CACHD1: variants seen among roughly 807,000 people sequenced by gnomAD.
CACHD1 encodes the protein VWFA and cache domain-containing protein 1.
Under a neutral mutation model 138.7 loss-of-function variants are expected in CACHD1, and 71 were observed. The observed-to-expected ratio is 0.51, with a 90% CI of 0.42 to 0.62. The LOEUF is 0.62. Ranked by LOEUF, CACHD1 falls within the 20% of genes least tolerant of loss-of-function variation. The probability of loss-of-function intolerance (pLI) is 0.00; values close to 1 mark genes in which losing one functional copy is unlikely to be tolerated. For synonymous variants in CACHD1, 578 were observed against 591.5 expected (o/e 0.98, Z 0.33); for missense variants, 1,389 against 1,625.3 (o/e 0.85, Z 2.50).
chr1:64,541,359 G>C (rs914730902), intron 1 of CACHD1, among the ~76,000 whole-genome samples: 1 of 147,260 alleles, frequency 6.8e-6, no homozygotes, highest in Non-Finnish European at 1.5e-5. Flanking sequence ...AAACAATATT[G>C]GTTTTTATGG....
At chr1:64,582,031 G>A in intron 2 of CACHD1, 125 bp from the exon 3 acceptor site, 1 of 1,084,910 alleles carries the variant, frequency 9.2e-7, no homozygotes, top group Non-Finnish European at 1.3e-6. Context: ...TTGGGTGTGT[G>A]TTGTTTGTTT....
chr1:64,565,000 G>A (rs1167548634), intron 2 of CACHD1, among the ~76,000 whole-genome samples: 1 of 151,016 alleles, frequency 6.6e-6, no homozygotes, highest in African/African-American at 2.4e-5. Context: ...AATGACTGGA[G>A]ATACTCTGGC....
At chr1:64,548,010 A>G (rs1277024203) in intron 1 of CACHD1, among the ~76,000 whole-genome samples, 1 of 152,226 alleles carries the variant, frequency 6.6e-6, no homozygotes, top group Non-Finnish European at 1.5e-5. Flanking sequence ...GAAGAATATA[A>G]AAATGCTTAT....
intron 8 of CACHD1, among the ~76,000 whole-genome samples, chr1:64,643,706 C>T (rs1250478355): frequency 3.9e-5 from 6 of 152,012 alleles, no homozygotes; most frequent in South Asian, 2.1e-4. Flanking sequence ...GGCGTGGTGG[C>T]GGGCACCTGT....
At chr1:64,649,494 T>TA (rs1208293823) in intron 9 of CACHD1, among the ~76,000 whole-genome samples, 1 of 152,182 alleles carries the variant, frequency 6.6e-6, no homozygotes, top group Non-Finnish European at 1.5e-5. Context: ...GCATGTAGCT[T>TA]ACATTACTGA....
intron 7 of CACHD1, among the ~76,000 whole-genome samples, chr1:64,634,923 G>T (rs12740283): frequency 3.5e-5 from 5 of 143,702 alleles, no homozygotes; most frequent in African/African-American, 1.3e-4. Flanking sequence ...TTGAACCCAG[G>T]AGGCAGAGGT....
intron 1 of CACHD1, among the ~76,000 whole-genome samples, chr1:64,504,700 G>A (rs1646358381): frequency 6.6e-6 from 1 of 152,116 alleles, no homozygotes; most frequent in Non-Finnish European, 1.5e-5. Flanking sequence ...ATACTGACCT[G>A]GGCATACTCA....
At chr1:64,583,608 G>A (rs1207168699) in intron 3 of CACHD1, among the ~76,000 whole-genome samples, 1 of 152,096 alleles carries the variant, frequency 6.6e-6, no homozygotes, top group Non-Finnish European at 1.5e-5. Flanking sequence ...ATTTTTGTTA[G>A]GTATTAGTTC....
chr1:64,526,583 G>A (rs1042159086), intron 1 of CACHD1, among the ~76,000 whole-genome samples: 4 of 152,238 alleles, frequency 2.6e-5, no homozygotes, highest in African/African-American at 9.6e-5. Flanking sequence ...GAGGAGGGGG[G>A]TGAGGAGAGC....
Position 64,653,828 on chromosome 1 carries a change from C to T in CACHD1, c.1611C>T (p.Ile537=). ...CAGAGCCCCCACTTCATACTGACAT[C>T]ATACATTATGAAAATATTCCAAAAT... ...LLSEPPLHTD[I]IHYENIPKFE... Residue 537 remains isoleucine, a synonymous_variant, in exon 11 of 27, where the codon ATC becomes ATT. Coordinates refer to ENST00000651257, the MANE Select transcript of CACHD1 (RefSeq NM_020925.4). 6 of 1,610,764 alleles carry T rather than the reference C, an allele frequency of 3.7e-6. No homozygotes were observed. Among genetic ancestry groups the T allele is most frequent in the South Asian group, 1.1e-5 (1 of 90,996 alleles).
chr1:64,633,289 A>G (rs1648380161), intron 6 of CACHD1, among the ~76,000 whole-genome samples: 1 of 152,212 alleles, frequency 6.6e-6, no homozygotes, highest in South Asian at 2.1e-4. Context: ...TGGGAAAAGA[A>G]AAGACTTTGG....
chr1:64,525,117 T>C (rs1210521310), intron 1 of CACHD1, among the ~76,000 whole-genome samples: 1 of 152,216 alleles, frequency 6.6e-6, no homozygotes, highest in Non-Finnish European at 1.5e-5. Flanking sequence ...TTGCTTCTAA[T>C]ATTTATTAGC....
At position 64,470,704 on chromosome 1, in the gene CACHD1, C is replaced by T; in HGVS notation, c.-41C>T. On this transcript the variant is annotated 5_prime_UTR_variant, in exon 1 of 27. Transcript: ENST00000651257. This position sits in a 1 kb window ranked among gnomAD's most constrained non-coding sequence, Gnocchi z 5.2. ...GGGGCACCTCCCGCGGCCCGCTTCC[C>T]CGCGCCCGGAGCCCGTCGGCGGGGA... 2 of 491,244 alleles carry T rather than the reference C, an allele frequency of 4.1e-6. No homozygotes were observed. The highest frequency in any genetic ancestry group is 7.2e-5 in the East Asian group (2 of 27,954). The allele number at this position is 491,244 out of a possible 1,614,324, so 30.4% of individuals were successfully genotyped here.
At chr1:64,628,308 T>C (rs1026506274) in intron 4 of CACHD1, among the ~76,000 whole-genome samples, 7 of 152,228 alleles carry the variant, frequency 4.6e-5, no homozygotes, top group African/African-American at 1.7e-4. Flanking sequence ...TTTTGTTCCA[T>C]TTCCATCTGT....
chr1:64,544,710 T>G (rs1205210986), intron 1 of CACHD1, among the ~76,000 whole-genome samples: 1 of 152,014 alleles, frequency 6.6e-6, no homozygotes, highest in African/African-American at 2.4e-5. Context: ...ATTTTTAACT[T>G]CATTTGTGTT....
intron 1 of CACHD1, among the ~76,000 whole-genome samples, chr1:64,526,280 G>T (rs1255301956): frequency 6.6e-6 from 1 of 152,150 alleles, no homozygotes; most frequent in East Asian, 1.9e-4. Context: ...GTTATGGATG[G>T]TTTCTCTTCT....
chr1:64,600,710 A>T (rs567314820), intron 3 of CACHD1, among the ~76,000 whole-genome samples: 1 of 152,238 alleles, frequency 6.6e-6, no homozygotes, highest in Non-Finnish European at 1.5e-5. Flanking sequence ...CATGAATAGA[A>T]CAATAATTTT....
At chr1:64,490,139 A>C (rs1384326703) in intron 1 of CACHD1, among the ~76,000 whole-genome samples, 1 of 152,178 alleles carries the variant, frequency 6.6e-6, no homozygotes, top group African/African-American at 2.4e-5. Context: ...ATCAGGAATA[A>C]CTATTTGGGG....
intron 3 of CACHD1, among the ~76,000 whole-genome samples, chr1:64,590,969 T>A (rs1430658655): frequency 6.6e-6 from 1 of 152,182 alleles, no homozygotes; most frequent in African/African-American, 2.4e-5. Context: ...TTTCAGAGAC[T>A]CTTCCAACTT....
Sources: allele counts gnomAD v4.1 joint callset (sites outside exome capture counted in the v4.1 genomes callset), GRCh38; gene constraint gnomAD v4.1.1; non-coding constraint Gnocchi (gnomAD v3.1); transcripts MANE v1.5; gene names NCBI Gene and HGNC (gene_info 2026-07-23, HGNC 2026-07-21).